ARHGAP1: variants seen among roughly 807,000 people sequenced by gnomAD.
The protein encoded by ARHGAP1 is Rho GTPase activating protein 1.
Under a neutral mutation model 52.2 loss-of-function variants are expected in ARHGAP1, and 23 were observed. The ratio of observed to expected loss-of-function variants is 0.44; its 90% CI spans 0.32 to 0.62. The LOEUF (loss-of-function observed/expected upper bound fraction) is 0.62, where lower values mean the gene tolerates loss of function less well. Among genes scored for constraint, ARHGAP1 ranks in the 20% least tolerant of loss-of-function variants. ARHGAP1 has a pLI of 0.05. For missense variants in ARHGAP1, 480 were observed against 560.9 expected (o/e 0.86, Z 1.46); for synonymous variants, 210 against 228.4 (o/e 0.92, Z 0.73).
At position 46,681,020 on chromosome 11, in the gene ARHGAP1, T is replaced by C; in HGVS notation, c.626A>G (p.Gln209Arg). The C allele has an allele frequency of 6.2e-7, 1 of 1,614,074 alleles. No individual in the cohort carries two copies. Among genetic ancestry groups the C allele is most frequent in the Non-Finnish European group, 8.5e-7 (1 of 1,179,998 alleles). ...VKLEQLGIPR[Q>R]VLKYDDFLKS... The stretch of plus-strand genomic sequence containing the variant: ...GCCGCACCCGCCTCACTTGAGCACT[T>C]GGCGAGGGATCCCCAGCTGCTCCAG... Residue 209 changes from glutamine (Q) to arginine (R), a missense_variant, in exon 7 of 13, where the codon CAA (glutamine) becomes CGA (arginine). Coordinates refer to ENST00000311956, the MANE Select transcript of ARHGAP1 (RefSeq NM_004308.5). The surrounding 1 kb of genome is among the most constrained non-coding windows in gnomAD (Gnocchi z 5.7).
rs2064653045 is a variant in ARHGAP1, at chr11:46,696,183, G to C, written c.-49-27C>G. 4 of 1,487,232 alleles carry C rather than the reference G, an allele frequency of 2.7e-6. No homozygotes were observed. The highest frequency in any genetic ancestry group is 1.9e-4 in the Middle Eastern group (1 of 5,300). 92.1% of individuals were successfully genotyped at this position (1,487,232 alleles called of 1,614,324 possible). A position where few individuals can be genotyped will look rare whatever the true frequency, so the allele number is the denominator to read the frequency against. ...TGGGAGAGAGGAAGACAGGTGGCAG[G>C]TCAGTGACCTGCTCTTTTCACCTTC... is the stretch of plus-strand genomic sequence containing the variant. On this transcript the variant is annotated intron_variant, in intron 1 of 12. Transcript: ENST00000311956. This position sits in a 1 kb window ranked among gnomAD's most constrained non-coding sequence, Gnocchi z 4.8.
chr11:46,694,253 C>T (rs1169402023), intron 3 of ARHGAP1, among the ~76,000 whole-genome samples: 1 of 152,098 alleles, frequency 6.6e-6, no homozygotes, highest in Non-Finnish European at 1.5e-5. Context: ...CCACCCCCAT[C>T]CTACCTCCCA....
chr11:46,680,877 A>G lies in ARHGAP1; in HGVS notation c.636-130T>C. 1 of 1,092,444 alleles carries G rather than the reference A, an allele frequency of 9.2e-7. No individual in the cohort carries two copies. The highest frequency in any genetic ancestry group is 1.3e-6 in the Non-Finnish European group (1 of 754,958). 67.7% of individuals were successfully genotyped at this position (1,092,444 alleles called of 1,614,324 possible). On this transcript the variant is annotated intron_variant, in intron 7 of 12. Transcript: ENST00000311956. This position sits in a 1 kb window ranked among gnomAD's most constrained non-coding sequence, Gnocchi z 5.9. Reference sequence around the variant, plus strand: ...GATCTCTGTAACAACTCCGCTTTCCACAGCAGAAAGCAAAGACCTGGGAGA... The same window carrying G: ...GATCTCTGTAACAACTCCGCTTTCCGCAGCAGAAAGCAAAGACCTGGGAGA...
chr11:46,694,235 A>G (rs2064635701), intron 3 of ARHGAP1, among the ~76,000 whole-genome samples: 1 of 151,308 alleles, frequency 6.6e-6, no homozygotes, highest in South Asian at 2.1e-4. Context: ...GTCCCCACAC[A>G]GCCTCCCCCA....
chr11:46,679,519 A>C lies in ARHGAP1; in HGVS notation c.1028-51T>G, dbSNP rs2064507235. 6.2e-7 allele frequency: 1 copy of C among 1,609,468 alleles called. No individual in the cohort carries two copies. Among genetic ancestry groups the C allele is most frequent in the Non-Finnish European group, 8.5e-7 (1 of 1,176,712 alleles). Reference sequence around the variant, plus strand: ...TAGGGGCCCTAGGCTGGGCTGGTTCAGGACGCTCTGATGCAGGCTAGAGGG... The same window carrying C: ...TAGGGGCCCTAGGCTGGGCTGGTTCCGGACGCTCTGATGCAGGCTAGAGGG... On this transcript the variant is annotated intron_variant, in intron 11 of 12. Coordinates refer to ENST00000311956, the MANE Select transcript of ARHGAP1 (RefSeq NM_004308.5). The surrounding 1 kb of genome is among the most constrained non-coding windows in gnomAD (Gnocchi z 4.4).
In ARHGAP1 at chr11:46,678,766, TCTC is replaced by T; in HGVS notation, c.*268_*270del. ...AAAGGGGTTACTGGGGCTCAGTCCT[TCTC>T]CAGCTGGAAGAGCCAAGCCCAGCTC... On this transcript the variant is annotated 3_prime_UTR_variant, in exon 13 of 13. Transcript: ENST00000311956. 1 of 481,888 alleles carries T rather than the reference TCTC, an allele frequency of 2.1e-6. No homozygotes were observed. The highest frequency in any genetic ancestry group is 5.5e-4 in the Middle Eastern group (1 of 1,806). 29.9% of individuals were successfully genotyped at this position (481,888 alleles called of 1,614,324 possible).
Position 46,680,271 on chromosome 11 carries a change from C to T in ARHGAP1, c.832G>A (p.Glu278Lys), listed in dbSNP as rs1320864779. 5.0e-6 allele frequency: 8 copies of T among 1,614,030 alleles called. No homozygotes were observed. The highest frequency in any genetic ancestry group is 1.7e-5 in the Admixed American group (1 of 60,000). ...AYLQAHALTT[E>K]GIFRRSANTQ... ...TTGGCCGACCTCCGGAAGATGCCCT[C>T]GGTGGTGAGAGCTGGGAAACAGTAG... Residue 278 changes from glutamate to lysine, a missense_variant, in exon 10 of 13, where the codon GAG becomes AAG. Transcript: ENST00000311956. This position sits in a 1 kb window ranked among gnomAD's most constrained non-coding sequence, Gnocchi z 5.9.
At chr11:46,682,889 A>G (rs12574259) in intron 4 of ARHGAP1, among the ~76,000 whole-genome samples, 20,644 of 152,148 alleles carry the variant, frequency 0.14, 1,416 homozygotes, top group Non-Finnish European at 0.16. Flanking sequence ...AGCACTTCAC[A>G]TACATTAGCT....
rs2064501521 is a variant in ARHGAP1 at position 46,678,958 on chromosome 11, G to A, written c.*79C>T. On this transcript the variant is annotated 3_prime_UTR_variant, in exon 13 of 13. Coordinates refer to ENST00000311956, the MANE Select transcript of ARHGAP1 (RefSeq NM_004308.5). Reference sequence around the variant, plus strand: ...TGGCTCCAACATCTCTCTCCAGGGGGCTTCATGGCCCCTGATGCCAGGAGG... The same window carrying A: ...TGGCTCCAACATCTCTCTCCAGGGGACTTCATGGCCCCTGATGCCAGGAGG... 4.1e-6 allele frequency: 6 copies of A among 1,474,760 alleles called. No homozygotes were observed. The Admixed American group carries it at 5.9e-5, about 14-fold the overall frequency. 91.4% of individuals were successfully genotyped at this position (1,474,760 alleles called of 1,614,324 possible).
intron 3 of ARHGAP1, among the ~76,000 whole-genome samples, chr11:46,689,079 C>A: frequency 7.4e-6 from 1 of 135,134 alleles, no homozygotes. Context: ...GCAAGAGTGT[C>A]TCAAAAAAAA....
intron 3 of ARHGAP1, among the ~76,000 whole-genome samples, chr11:46,688,716 C>T (rs2064590219): frequency 6.6e-6 from 1 of 151,866 alleles, no homozygotes; most frequent in Non-Finnish European, 1.5e-5. Context: ...CTCCTGGCCT[C>T]CTCCTGCCTC....
At position 46,679,055 on chromosome 11, in the gene ARHGAP1, CG is replaced by C; in HGVS notation, c.1301del (p.Pro434ArgfsTer32). On this transcript the variant is annotated frameshift_variant, in exon 13 of 13. Transcript: ENST00000311956. LOFTEE classifies it high-confidence loss of function. The surrounding 1 kb of genome is among the most constrained non-coding windows in gnomAD (Gnocchi z 4.4). ...GCCAGGTTCAGAGCCCGCTGGGGTC[CG>C]GGCTTGGGAACAGCTCCCCTTGGTG... ...LDHQGELFPS[P>X]DPSGL is the part of the protein sequence containing the mutation. The C allele has an allele frequency of 6.2e-7, 1 of 1,614,134 alleles. No individual in the cohort carries two copies. Among genetic ancestry groups the C allele is most frequent in the Non-Finnish European group, 8.5e-7 (1 of 1,180,000 alleles).
chr11:46,685,589 T>A (rs571602910), intron 4 of ARHGAP1, among the ~76,000 whole-genome samples: 19 of 151,934 alleles, frequency 1.3e-4, no homozygotes. Flanking sequence ...CCTCCCAAAG[T>A]GCTGAGATTA....
Position 46,677,898 on chromosome 11 carries a change from C to T in ARHGAP1, c.*1139G>A, listed in dbSNP as rs775345129. 22 of 424,964 alleles carry T rather than the reference C, an allele frequency of 5.2e-5. No homozygotes were observed. The highest frequency in any genetic ancestry group is 2.3e-4 in the African/African-American group (11 of 47,170). The allele number at this position is 424,964 out of a possible 1,614,324, so 26.3% of individuals were successfully genotyped here. A position where few individuals can be genotyped will look rare whatever the true frequency, so the allele number is the denominator to read the frequency against. On this transcript the variant is annotated 3_prime_UTR_variant, in exon 13 of 13. Coordinates refer to ENST00000311956, the MANE Select transcript of ARHGAP1 (RefSeq NM_004308.5). ...CCAGAAGGCGGAGGTGTGCCGAGAT[C>T]GCGCCACTGCACTCCAGCCTGGTGA...
chr11:46,695,491 C>T (rs1396591687), intron 3 of ARHGAP1, 169 bp downstream of exon 3: 2 of 737,458 alleles, frequency 2.7e-6, no homozygotes, highest in East Asian at 5.4e-5. Flanking sequence ...GGAGATCAAA[C>T]CCAGGGCTTT....
chr11:46,680,477 C>T lies in ARHGAP1; in HGVS notation c.820+10G>A, dbSNP rs745834665. 15 of 1,613,344 alleles carry T rather than the reference C, an allele frequency of 9.3e-6. No individual in the cohort carries two copies. Among genetic ancestry groups the T allele is most frequent in the East Asian group, 8.9e-5 (4 of 44,868 alleles). On this transcript the variant is annotated intron_variant, in intron 9 of 12. Coordinates refer to ENST00000311956, the MANE Select transcript of ARHGAP1 (RefSeq NM_004308.5). The surrounding 1 kb of genome is among the most constrained non-coding windows in gnomAD (Gnocchi z 5.9). ...GACCTGGCTGGTGAGGAGGCAGGCCCGGCACTCACCGTGGGCCTGTAAGTA... is the reference window on the plus strand; with the variant it reads ...GACCTGGCTGGTGAGGAGGCAGGCCTGGCACTCACCGTGGGCCTGTAAGTA...
chr11:46,695,069 C>T (rs2064642103), intron 3 of ARHGAP1: 1 of 185,712 alleles, frequency 5.4e-6, no homozygotes, highest in Non-Finnish European at 1.2e-5. Flanking sequence ...GCCTGACTCC[C>T]TGGCTCCTGG....
Position 46,681,728 on chromosome 11 carries a change from C to T in ARHGAP1, c.449+323G>A, listed in dbSNP as rs911652795. 1.3e-5 allele frequency among the ~76,000 whole-genome samples: 2 copies of T among 152,172 alleles called. No homozygotes were observed. The highest frequency in any genetic ancestry group is 2.9e-5 in the Non-Finnish European group (2 of 68,034). ...GGATTACAGGTGTGAGCCACCACAC[C>T]CTGCCTCAGTGCATATTTTCTGATT... On this transcript the variant is annotated intron_variant, in intron 5 of 12. Transcript: ENST00000311956. This position sits in a 1 kb window ranked among gnomAD's most constrained non-coding sequence, Gnocchi z 5.7.
Position 46,680,267 on chromosome 11 carries a change from C to T in ARHGAP1, c.836G>A (p.Gly279Asp). The change falls in exon 10 of 13, where the codon GGC (glycine) becomes GAC (aspartate). Residue 279 changes from glycine to aspartate, a missense_variant. By Grantham distance (94) the Gly-to-Asp change is moderately conservative. Coordinates refer to ENST00000311956, the MANE Select transcript of ARHGAP1 (RefSeq NM_004308.5). This position sits in a 1 kb window ranked among gnomAD's most constrained non-coding sequence, Gnocchi z 5.9. ...GGTGTTGGCCGACCTCCGGAAGATGCCCTCGGTGGTGAGAGCTGGGAAACA... is the reference window on the plus strand; with the variant it reads ...GGTGTTGGCCGACCTCCGGAAGATGTCCTCGGTGGTGAGAGCTGGGAAACA... Reference protein sequence around the residue: ...YLQAHALTTEGIFRRSANTQV... With the variant: ...YLQAHALTTEDIFRRSANTQV... 1 of 1,614,138 alleles carries T rather than the reference C, an allele frequency of 6.2e-7. No homozygotes were observed. The highest frequency in any genetic ancestry group is 8.5e-7 in the Non-Finnish European group (1 of 1,180,034).
Sources: allele counts gnomAD v4.1 joint callset (sites outside exome capture counted in the v4.1 genomes callset), GRCh38; gene constraint gnomAD v4.1.1; non-coding constraint Gnocchi (gnomAD v3.1); transcripts MANE v1.5; gene names NCBI Gene and HGNC (gene_info 2026-07-23, HGNC 2026-07-21).